ENPP6: variants seen among roughly 807,000 people sequenced by gnomAD.
The protein encoded by ENPP6 is glycerophosphocholine cholinephosphodiesterase ENPP6.
A neutral mutation model predicts 42.0 loss-of-function variants in ENPP6; 32 were observed. That is an observed-to-expected ratio of 0.76 (90% CI 0.58 to 1.02). The LOEUF (loss-of-function observed/expected upper bound fraction) is 1.02. Ranked by LOEUF, ENPP6 falls within the 50% of genes least tolerant of loss-of-function variation. The pLI, the probability that ENPP6 is intolerant of heterozygous loss-of-function variation, is 0.00. For synonymous variants in ENPP6, 213 were observed against 216.0 expected (o/e 0.99, Z 0.12); for missense variants, 552 against 566.8 (o/e 0.97, Z 0.27).
intron 3 of ENPP6, 59 bp from the exon 4 acceptor site, chr4:184,117,959 A>T: frequency 6.3e-7 from 1 of 1,577,672 alleles, no homozygotes; most frequent in Non-Finnish European, 8.6e-7. Flanking sequence ...TTGCTCCCTT[A>T]TCACCCCCAT....
At chr4:184,149,512 T>C (rs1268549665) in intron 2 of ENPP6, among the ~76,000 whole-genome samples, 1 of 152,170 alleles carries the variant, frequency 6.6e-6, no homozygotes, top group Non-Finnish European at 1.5e-5. Context: ...TGTGTCTTTC[T>C]CTACATAGAA....
chr4:184,188,722 A>G (rs1732673391), intron 1 of ENPP6, among the ~76,000 whole-genome samples: 1 of 152,126 alleles, frequency 6.6e-6, no homozygotes, highest in South Asian at 2.1e-4. Flanking sequence ...AGGAAAATGT[A>G]TTGCCAATTA....
At chr4:184,121,954 G>A (rs762360681) in intron 3 of ENPP6, among the ~76,000 whole-genome samples, 1 of 152,140 alleles carries the variant, frequency 6.6e-6, no homozygotes, top group Non-Finnish European at 1.5e-5. Flanking sequence ...GTGTCTTCAG[G>A]GGAGGCCCAA....
At chr4:184,155,902 C>T (rs542902265) in intron 1 of ENPP6, among the ~76,000 whole-genome samples, 119 of 152,350 alleles carry the variant, frequency 7.8e-4, no homozygotes, top group African/African-American at 2.8e-3. Flanking sequence ...CAAACTCACT[C>T]ATTCTTCTTT....
intron 7 of ENPP6, among the ~76,000 whole-genome samples, chr4:184,094,623 G>T (rs1214908917): frequency 2.0e-5 from 3 of 152,264 alleles, no homozygotes; most frequent in African/African-American, 7.2e-5. Context: ...TGGACAGAGA[G>T]TCCAAGTTAT....
At chr4:184,200,784 G>A (rs550805420) in intron 1 of ENPP6, among the ~76,000 whole-genome samples, 54 of 152,300 alleles carry the variant, frequency 3.5e-4, no homozygotes, top group Admixed American at 1.3e-4. Flanking sequence ...GACTCCCGGG[G>A]GACCTGGCCT....
intron 1 of ENPP6, among the ~76,000 whole-genome samples, chr4:184,217,204 A>G (rs1274583103): frequency 6.6e-6 from 1 of 152,022 alleles, no homozygotes; most frequent in Non-Finnish European, 1.5e-5. Flanking sequence ...AAGGGACAGA[A>G]GGAGTTTGGG....
At chr4:184,154,602 C>T (rs1459445172) in intron 1 of ENPP6, among the ~76,000 whole-genome samples, 2 of 151,866 alleles carry the variant, frequency 1.3e-5, no homozygotes, top group Admixed American at 6.6e-5. Context: ...CCCCACCCCT[C>T]CCAAAATTTT....
At chr4:184,114,755 TG>T (rs1560982228) in intron 5 of ENPP6, among the ~76,000 whole-genome samples, 1 of 128,242 alleles carries the variant, frequency 7.8e-6, no homozygotes, top group East Asian at 2.3e-4. Context: ...GACACAAGGA[TG>T]ATCTTTCTTG....
At position 184,131,190 on chromosome 4, in the gene ENPP6, TTTCTTTCTTTC is replaced by T. The variant is rs767390527; in HGVS notation, c.422-6929_422-6919del. Among the ~76,000 whole-genome samples the T allele has an allele frequency of 6.2e-3, 348 of 56,066 alleles. 6 individuals carry two copies. The highest frequency in any genetic ancestry group is 0.015 in the East Asian group (36 of 2,456). 36.8% of individuals were successfully genotyped at this position (56,066 alleles called of 152,430 possible). ...CTTTCTTTCTTTCTTTCTTTCTTTC[TTTCTTTCTTTC>T]TTCTTTCTTTCTTTCTTTTTCTTTC... On this transcript the variant is annotated intron_variant, in intron 2 of 7. Transcript: ENST00000296741.
chr4:184,097,983 A>T (rs1235044380), intron 6 of ENPP6, among the ~76,000 whole-genome samples: 1 of 152,220 alleles, frequency 6.6e-6, no homozygotes, highest in Non-Finnish European at 1.5e-5. Context: ...CCCCACGTGA[A>T]GCCCACGGGG....
At chr4:184,207,079 G>A (rs1211710999) in intron 1 of ENPP6, among the ~76,000 whole-genome samples, 5 of 152,340 alleles carry the variant, frequency 3.3e-5, no homozygotes, top group African/African-American at 7.2e-5. Context: ...CTGCCACGAC[G>A]TTCTTTGGTG....
chr4:184,135,663 A>T (rs1470300152), intron 2 of ENPP6, among the ~76,000 whole-genome samples: 1 of 146,822 alleles, frequency 6.8e-6, no homozygotes, highest in East Asian at 2.0e-4. Flanking sequence ...ATTTCTATCA[A>T]AATTTAACAT....
At chr4:184,120,617 C>CGT (rs1736399857) in intron 3 of ENPP6, among the ~76,000 whole-genome samples, 1 of 152,190 alleles carries the variant, frequency 6.6e-6, no homozygotes, top group Non-Finnish European at 1.5e-5. Flanking sequence ...TCCTGCAAAT[C>CGT]GGACTTCCAG....
intron 1 of ENPP6, among the ~76,000 whole-genome samples, chr4:184,212,271 T>C (rs1733124476): frequency 6.6e-6 from 1 of 151,246 alleles, no homozygotes; most frequent in Admixed American, 6.6e-5. Context: ...ATAAAGGGTA[T>C]TCAATTAGGA....
intron 1 of ENPP6, among the ~76,000 whole-genome samples, chr4:184,197,559 C>CT (rs1732822223): frequency 6.6e-6 from 1 of 152,200 alleles, no homozygotes; most frequent in Non-Finnish European, 1.5e-5. Flanking sequence ...GTTTTTCTCC[C>CT]TTTATCTGGT....
At chr4:184,141,954 T>A (rs955586182) in intron 2 of ENPP6, among the ~76,000 whole-genome samples, 11 of 152,160 alleles carry the variant, frequency 7.2e-5, no homozygotes, top group Non-Finnish European at 1.6e-4. Flanking sequence ...AGATGTGGCA[T>A]CCTGTGCAAT....
At chr4:184,202,273 GATCTTGCAGCTGTGGC>G in intron 1 of ENPP6, among the ~76,000 whole-genome samples, 1 of 152,320 alleles carries the variant, frequency 6.6e-6, no homozygotes, top group South Asian at 2.1e-4. Context: ...GACTTCAGAA[GATCTTGCAGCTGTGGC>G]ATCTGTTCAG....
chr4:184,107,724 G>C (rs1736122535), intron 6 of ENPP6, among the ~76,000 whole-genome samples: 1 of 152,150 alleles, frequency 6.6e-6, no homozygotes, highest in Non-Finnish European at 1.5e-5. Context: ...GAACATCCTG[G>C]TTAACACAGT....
Sources: allele counts gnomAD v4.1 joint callset (sites outside exome capture counted in the v4.1 genomes callset), GRCh38; gene constraint gnomAD v4.1.1; transcripts MANE v1.5; gene names NCBI Gene and HGNC (gene_info 2026-07-23, HGNC 2026-07-21).